The following ALK variants were observed in gnomAD, a reference collection of about 807,000 sequenced individuals.
The protein encoded by ALK is ALK receptor tyrosine kinase.
ALK carries 74 observed loss-of-function variants against 163.1 expected under a neutral mutation model. The ratio of observed to expected loss-of-function variants is 0.45; its 90% CI spans 0.38 to 0.55. The LOEUF is 0.55. Ranked by LOEUF, ALK falls within the 20% of genes least tolerant of loss-of-function variation. The pLI is 0.00. For synonymous variants in ALK, 960 were observed against 843.2 expected (o/e 1.14, Z -2.40); for missense variants, 2,063 against 2,105.3 (o/e 0.98, Z 0.39).
At chr2:29,437,856 G>A (rs1670441362) in intron 4 of ALK, among the ~76,000 whole-genome samples, 1 of 152,172 alleles carries the variant, frequency 6.6e-6, no homozygotes. Flanking sequence ...TGGCTGAAGG[G>A]CATAGACAAG....
intron 1 of ALK, among the ~76,000 whole-genome samples, chr2:29,782,705 C>T (rs561381585): frequency 6.6e-6 from 1 of 152,270 alleles, no homozygotes; most frequent in Admixed American, 6.5e-5. Context: ...GTAACCATTT[C>T]GAGCAGTTAG....
chr2:29,321,910 A>T (rs7561975), intron 6 of ALK, among the ~76,000 whole-genome samples: 2 of 152,080 alleles, frequency 1.3e-5, no homozygotes, highest in Non-Finnish European at 2.9e-5. Flanking sequence ...AAGAGGTGAC[A>T]GTCAGCTTTC....
chr2:29,875,609 C>T (rs201990252), intron 1 of ALK, among the ~76,000 whole-genome samples: 60 of 152,150 alleles, frequency 3.9e-4, no homozygotes, highest in Non-Finnish European at 6.5e-4. Flanking sequence ...CAGGCCCCGG[C>T]GTGTGATGTT....
At chr2:29,796,161 G>C (rs1037664986) in intron 1 of ALK, among the ~76,000 whole-genome samples, 1 of 152,118 alleles carries the variant, frequency 6.6e-6, no homozygotes, top group Non-Finnish European at 1.5e-5. Context: ...ACTTCACAAA[G>C]GGTCTCTCTG....
At position 29,292,216 on chromosome 2, in the gene ALK, T is replaced by C. The variant is rs146488071; in HGVS notation, c.1817+4672A>G. Among the ~76,000 whole-genome samples the C allele has an allele frequency of 2.0e-3, 312 of 152,352 alleles. 1 individual carries two copies. Among genetic ancestry groups the C allele is most frequent in the African/African-American group, 7.1e-3 (295 of 41,586 alleles). Reference sequence around the variant, plus strand: ...GCCTGCACAGGTGTGATAAGTTGTGTACTTTATATTTGACTGTACAATTGC... The same window carrying C: ...GCCTGCACAGGTGTGATAAGTTGTGCACTTTATATTTGACTGTACAATTGC... On this transcript the variant is annotated intron_variant, in intron 9 of 28. Coordinates refer to ENST00000389048, the MANE Select transcript of ALK (RefSeq NM_004304.5).
intron 5 of ALK, among the ~76,000 whole-genome samples, chr2:29,331,232 C>T (rs1667428715): frequency 1.3e-5 from 2 of 152,218 alleles, no homozygotes; most frequent in African/African-American, 4.8e-5. Context: ...ATAGCCTAAG[C>T]AAGGTTTCCC....
chr2:29,281,726 T>A (rs1417088819), intron 9 of ALK, among the ~76,000 whole-genome samples: 1 of 152,096 alleles, frequency 6.6e-6, no homozygotes, highest in Non-Finnish European at 1.5e-5. Flanking sequence ...TCAGCGGGGA[T>A]CTGGGAGGTG....
intron 1 of ALK, among the ~76,000 whole-genome samples, chr2:29,912,552 G>A (rs920319124): frequency 3.9e-5 from 6 of 152,070 alleles, no homozygotes; most frequent in African/African-American, 1.4e-4. Flanking sequence ...TCTTTAGGCT[G>A]AAGGGAAATA....
intron 3 of ALK, among the ~76,000 whole-genome samples, chr2:29,689,435 G>C (rs1028743784): frequency 6.6e-6 from 1 of 152,222 alleles, no homozygotes; most frequent in African/African-American, 2.4e-5. Context: ...CAGTTCACTT[G>C]AGAGGTGTTC....
At chr2:29,580,729 GTTCAGC>G (rs1349517528) in intron 3 of ALK, among the ~76,000 whole-genome samples, 1 of 152,206 alleles carries the variant, frequency 6.6e-6, no homozygotes, top group Non-Finnish European at 1.5e-5. Flanking sequence ...TGACAGTTTG[GTTCAGC>G]TTGAACAAAA....
intron 4 of ALK, among the ~76,000 whole-genome samples, chr2:29,477,447 A>T (rs1348795405): frequency 6.6e-6 from 1 of 152,214 alleles, no homozygotes; most frequent in Non-Finnish European, 1.5e-5. Context: ...CTTGGCACAC[A>T]TATGTATTCA....
intron 3 of ALK, among the ~76,000 whole-genome samples, chr2:29,551,859 T>C (rs918243508): frequency 6.6e-6 from 1 of 152,176 alleles, no homozygotes; most frequent in African/African-American, 2.4e-5. Flanking sequence ...TGATAAGATA[T>C]ACACAGCACA....
intron 5 of ALK, among the ~76,000 whole-genome samples, chr2:29,340,905 C>A (rs1356994217): frequency 1.3e-5 from 2 of 152,158 alleles, no homozygotes; most frequent in Non-Finnish European, 2.9e-5. Context: ...ACCTGTATAA[C>A]TGAGCAATAT....
rs997939129 is a variant in ALK at position 29,920,674 on chromosome 2, C to G, written c.-15G>C. ...ATGGCTCCCATCCCGCCGGAGGAGG[C>G]CGTTTACACTGCTCTCCGGGCCCAG... On this transcript the variant is annotated 5_prime_UTR_variant, in exon 1 of 29. Coordinates refer to ENST00000389048, the MANE Select transcript of ALK (RefSeq NM_004304.5). The G allele has an allele frequency of 6.5e-7, 1 of 1,532,194 alleles. No individual in the cohort carries two copies. The highest frequency in any genetic ancestry group is 1.4e-5 in the African/African-American group (1 of 73,080). 94.9% of individuals were successfully genotyped at this position (1,532,194 alleles called of 1,614,324 possible). A position where few individuals can be genotyped will look rare whatever the true frequency, so the allele number is the denominator to read the frequency against.
At chr2:29,629,842 A>G (rs1015456866) in intron 3 of ALK, among the ~76,000 whole-genome samples, 9 of 152,174 alleles carry the variant, frequency 5.9e-5, no homozygotes, top group African/African-American at 2.2e-4. Flanking sequence ...ATCTTTGAGG[A>G]TTTGAATGCA....
At chr2:29,511,916 T>C (rs921968015) in intron 4 of ALK, among the ~76,000 whole-genome samples, 11 of 152,210 alleles carry the variant, frequency 7.2e-5, no homozygotes, top group Non-Finnish European at 1.5e-4. Context: ...TAGTGTAACG[T>C]CTATTAAAAT....
intron 1 of ALK, among the ~76,000 whole-genome samples, chr2:29,898,438 A>G (rs1336928201): frequency 1.3e-5 from 2 of 152,246 alleles, no homozygotes; most frequent in Non-Finnish European, 2.9e-5. Context: ...CTGCCTTCGA[A>G]GAAATCTCAG....
At chr2:29,774,447 T>C (rs1681114617) in intron 1 of ALK, among the ~76,000 whole-genome samples, 1 of 152,214 alleles carries the variant, frequency 6.6e-6, no homozygotes, top group Admixed American at 6.5e-5. Context: ...CATACCATGT[T>C]ACAGTTTACT....
At chr2:29,804,485 G>A (rs186951018) in intron 1 of ALK, among the ~76,000 whole-genome samples, 1 of 152,332 alleles carries the variant, frequency 6.6e-6, no homozygotes, top group East Asian at 1.9e-4. Flanking sequence ...CCATTTAAAA[G>A]TAAGGCAGGC....
Sources: gnomAD v4.1 joint callset for allele counts (sites outside exome capture counted in the v4.1 genomes callset) on GRCh38, gnomAD v4.1.1 for gene constraint, MANE v1.5 for transcripts, NCBI Gene and HGNC (gene_info 2026-07-23, HGNC 2026-07-21) for gene names.